The following SLC25A27 variants were observed in gnomAD, a reference collection of about 807,000 sequenced individuals.
SLC25A27 encodes solute carrier family 25 member 27.
A neutral mutation model predicts 49.1 loss-of-function variants in SLC25A27; 35 were observed. That is an observed-to-expected ratio of 0.71 (90% CI 0.54 to 0.95). The LOEUF (loss-of-function observed/expected upper bound fraction) is 0.95, where lower values mean the gene tolerates loss of function less well. Among genes scored for constraint, SLC25A27 ranks in the 40% least tolerant of loss-of-function variants. SLC25A27 has a pLI of 0.00. For synonymous variants in SLC25A27, 144 were observed against 136.9 expected, an observed-to-expected ratio of 1.05 and a Z score of -0.36; for missense variants, 339 against 397.1, an observed-to-expected ratio of 0.85 and a Z score of 1.24.
intron 8 of SLC25A27, 107 bp downstream of exon 8, chr6:46,671,335 C>T (rs528383475): frequency 1.8e-6 from 1 of 557,256 alleles, no homozygotes; most frequent in Admixed American, 4.0e-5. Flanking sequence ...GCCCTGCCCC[C>T]CAAATCAAGG....
intron 8 of SLC25A27, among the ~76,000 whole-genome samples, chr6:46,674,865 A>T (rs561321030): frequency 1.1e-3 from 175 of 152,286 alleles, no homozygotes; most frequent in African/African-American, 4.1e-3. Context: ...GAGAGCTCTT[A>T]TATGTTCAAC....
intron 5 of SLC25A27, among the ~76,000 whole-genome samples, chr6:46,666,408 A>G (rs1023040267): frequency 5.9e-5 from 9 of 152,216 alleles, no homozygotes; most frequent in Non-Finnish European, 2.9e-5. Flanking sequence ...TAATGAAATA[A>G]TCCTTTCTAA....
At position 46,653,304 on chromosome 6, in the gene SLC25A27, C is replaced by T. The variant is rs775019214; in HGVS notation, c.106+6C>T. The T allele has an allele frequency of 3.1e-6, 5 of 1,609,204 alleles. No homozygotes were observed. Among genetic ancestry groups the T allele is most frequent in the Admixed American group, 1.7e-5 (1 of 59,474 alleles). On this transcript the variant is annotated splice_donor_region_variant and intron_variant, in intron 1 of 8. Transcript: ENST00000371347. ...GGCTACCGTGGCCGAGCTAGGTACC[C>T]GGCTGCCCACGCCTGGGCCTCCCGG...
chr6:46,676,765 T>C lies in SLC25A27; in HGVS notation c.*311T>C, dbSNP rs1763809696. 5.3e-6 allele frequency: 7 copies of C among 1,317,798 alleles called. No homozygotes were observed. In the Admixed American group the frequency reaches 5.9e-5, roughly 11 times the overall value. The allele number at this position is 1,317,798 out of a possible 1,614,324, so 81.6% of individuals were successfully genotyped here. On this transcript the variant is annotated 3_prime_UTR_variant, in exon 9 of 9. Transcript: ENST00000371347. ...GAAGGTTTGGCCTTTGAGTTGCTATTCTATGCTGAAGAGCCTGCTTAGAGG... is the reference window on the plus strand; with the variant it reads ...GAAGGTTTGGCCTTTGAGTTGCTATCCTATGCTGAAGAGCCTGCTTAGAGG...
intron 8 of SLC25A27, among the ~76,000 whole-genome samples, chr6:46,674,123 T>C (rs550489231): frequency 4.6e-5 from 7 of 152,278 alleles, no homozygotes; most frequent in African/African-American, 1.7e-4. Context: ...AGTAGAATAT[T>C]TAAGTACAAA....
intron 8 of SLC25A27, among the ~76,000 whole-genome samples, chr6:46,671,455 A>G (rs1185611635): frequency 6.6e-6 from 1 of 152,094 alleles, no homozygotes; most frequent in African/African-American, 2.4e-5. Context: ...TTGACGAATA[A>G]GTTGATAGTC....
chr6:46,678,059 T>TATATATATAG lies in SLC25A27; in HGVS notation c.*1611_*1612insATAGATATAT. 1 of 143,970 alleles carries TATATATATAG rather than the reference T, an allele frequency of 6.9e-6. No individual in the cohort carries two copies. The highest frequency in any genetic ancestry group is 1.5e-5 in the Non-Finnish European group (1 of 65,414). The allele number at this position is 143,970 out of a possible 1,614,324, so 8.9% of individuals were successfully genotyped here. On this transcript the variant is annotated 3_prime_UTR_variant, in exon 9 of 9. Transcript: ENST00000371347. ...ATATATATATATATATATATATATA[T>TATATATATAG]ATATATGCTTAACTTCCCAAGTGTT...
chr6:46,660,961 C>A (rs1278485482), intron 3 of SLC25A27, among the ~76,000 whole-genome samples: 1 of 151,992 alleles, frequency 6.6e-6, no homozygotes, highest in East Asian at 1.9e-4. Context: ...TCCTTTTGAC[C>A]CAATCAGAAC....
Position 46,676,615 on chromosome 6 carries a change from A to G in SLC25A27, c.*161A>G. 1 of 1,552,224 alleles carries G rather than the reference A, an allele frequency of 6.4e-7. No homozygotes were observed. Among genetic ancestry groups the G allele is most frequent in the Middle Eastern group, 1.7e-4 (1 of 5,994 alleles). On this transcript the variant is annotated 3_prime_UTR_variant, in exon 9 of 9. Transcript: ENST00000371347. ...CACTTTATTTTTTTCTGGAAACCCA[A>G]GTTCTCTTTGACTCCTCTTTTTGTC... is the stretch of plus-strand genomic sequence containing the variant.
At chr6:46,662,248 T>C in intron 3 of SLC25A27, 128 bp from the exon 4 acceptor site, 1 of 741,480 alleles carries the variant, frequency 1.3e-6, no homozygotes, top group Non-Finnish European at 2.2e-6. Context: ...TGTGACTTAC[T>C]TGGGTATATC....
At chr6:46,661,231 A>G (rs996184900) in intron 3 of SLC25A27, among the ~76,000 whole-genome samples, 4 of 152,066 alleles carry the variant, frequency 2.6e-5, no homozygotes, top group South Asian at 2.1e-4. Flanking sequence ...ATGCAAAGAG[A>G]AAAAATATGA....
intron 1 of SLC25A27, among the ~76,000 whole-genome samples, chr6:46,654,783 A>T (rs540801120): frequency 5.8e-4 from 88 of 152,322 alleles, no homozygotes; most frequent in African/African-American, 1.9e-3. Flanking sequence ...TTCTAGGGAA[A>T]CTGTCAGCAA....
chr6:46,656,353 T>C (rs1051790772), intron 2 of SLC25A27, among the ~76,000 whole-genome samples: 39 of 150,078 alleles, frequency 2.6e-4, no homozygotes, highest in African/African-American at 8.8e-4. Context: ...GCTAATTTTT[T>C]TTTTTTTTTT....
Position 46,670,215 on chromosome 6 carries a change from A to C in SLC25A27, c.785A>C (p.Asp262Ala). Residue 262 changes from aspartate (D) to alanine (A), a missense_variant, in exon 7 of 9, where the codon GAT becomes GCT. Physicochemically the swap from Asp to Ala is moderately radical, Grantham distance 126. Coordinates refer to ENST00000371347, the MANE Select transcript of SLC25A27 (RefSeq NM_004277.5). ...AGCAGAATAATGAATCAACCACGAG[A>C]TAAACAAGGAAGGTAGATAAAAAGT... ...IKSRIMNQPR[D>A]KQGRGLLYKS... The C allele has an allele frequency of 6.2e-7, 1 of 1,611,570 alleles. No individual in the cohort carries two copies. Among genetic ancestry groups the C allele is most frequent in the Non-Finnish European group, 8.5e-7 (1 of 1,178,376 alleles).
chr6:46,677,906 T>C lies in SLC25A27; in HGVS notation c.*1452T>C, dbSNP rs1763854746. The C allele has an allele frequency of 6.6e-6, 1 of 152,414 alleles. No homozygotes were observed. The highest frequency in any genetic ancestry group is 1.5e-5 in the Non-Finnish European group (1 of 67,996). 9.4% of individuals were successfully genotyped at this position (152,414 alleles called of 1,614,324 possible). A position where few individuals can be genotyped will look rare whatever the true frequency, so the allele number is the denominator to read the frequency against. ...CATTTTAAAATATATTTGAATGTCA[T>C]GTACTGATATGCAGTAGCTTATTGT... On this transcript the variant is annotated 3_prime_UTR_variant, in exon 9 of 9. Coordinates refer to ENST00000371347, the MANE Select transcript of SLC25A27 (RefSeq NM_004277.5).
At chr6:46,669,335 CAGAA>C (rs1475948141) in intron 6 of SLC25A27, among the ~76,000 whole-genome samples, 3 of 152,168 alleles carry the variant, frequency 2.0e-5, no homozygotes, top group Non-Finnish European at 2.9e-5. Flanking sequence ...TGACTCTTCA[CAGAA>C]AGGGATACGA....
intron 6 of SLC25A27, 128 bp from the exon 7 acceptor site, chr6:46,670,007 G>A: frequency 1.8e-6 from 1 of 547,764 alleles, no homozygotes; most frequent in Non-Finnish European, 3.1e-6. Context: ...TTAATTTTAA[G>A]CAAAAAGAGC....
In SLC25A27 at chr6:46,653,144, G is replaced by A; in HGVS notation, c.-49G>A. The A allele has an allele frequency of 1.3e-6, 2 of 1,544,176 alleles. No homozygotes were observed. Among genetic ancestry groups the A allele is most frequent in the Non-Finnish European group, 1.8e-6 (2 of 1,123,488 alleles). On this transcript the variant is annotated 5_prime_UTR_variant, in exon 1 of 9. Transcript: ENST00000371347. ...AGGGAAGCGGCCGCCGCGGCGCGGTGCAGCGCAGCGGCGAGAAGGAGTGCG... is the reference window on the plus strand; with the variant it reads ...AGGGAAGCGGCCGCCGCGGCGCGGTACAGCGCAGCGGCGAGAAGGAGTGCG...
intron 3 of SLC25A27, among the ~76,000 whole-genome samples, chr6:46,659,360 G>T (rs1763087076): frequency 6.6e-6 from 1 of 152,114 alleles, no homozygotes; most frequent in Non-Finnish European, 1.5e-5. Flanking sequence ...TCAAATTCCT[G>T]CTCTGCTACT....
Sources: allele counts gnomAD v4.1 joint callset (sites outside exome capture counted in the v4.1 genomes callset), GRCh38; gene constraint gnomAD v4.1.1; transcripts MANE v1.5; gene names NCBI Gene and HGNC (gene_info 2026-07-23, HGNC 2026-07-21).